The following THSD7B variants were observed in gnomAD, a reference collection of about 807,000 sequenced individuals.
THSD7B encodes the protein thrombospondin type 1 domain containing 7B, also known as thrombospondin type-1 domain-containing protein 7B.
A neutral mutation model predicts 213.6 loss-of-function variants in THSD7B; 138 were observed. The observed-to-expected ratio is 0.65, with a 90% CI of 0.56 to 0.74. The LOEUF (loss-of-function observed/expected upper bound fraction) is 0.74. THSD7B is among the 30% of genes least tolerant of loss of function. THSD7B has a pLI of 0.00. For missense variants in THSD7B, 1,931 were observed against 1,991.5 expected (o/e 0.97, Z 0.58); for synonymous variants, 742 against 687.0 (o/e 1.08, Z -1.25).
intron 12 of THSD7B, among the ~76,000 whole-genome samples, chr2:137,372,400 A>C (rs1244458614): frequency 7.5e-6 from 1 of 134,184 alleles, no homozygotes; most frequent in Non-Finnish European, 1.5e-5. Context: ...ACCATGGCCC[A>C]TGACACAGCC....
intron 1 of THSD7B, among the ~76,000 whole-genome samples, chr2:136,845,487 A>G (rs1682993720): frequency 6.6e-6 from 1 of 152,238 alleles, no homozygotes; most frequent in Admixed American, 6.5e-5. Flanking sequence ...ATTTTAAATA[A>G]GCTTTCTAAC....
intron 10 of THSD7B, among the ~76,000 whole-genome samples, chr2:137,269,389 G>A (rs1682681531): frequency 6.6e-6 from 1 of 152,318 alleles, no homozygotes; most frequent in East Asian, 1.9e-4. Flanking sequence ...TATGTGTATG[G>A]TGTGTGCACG....
intron 1 of THSD7B, among the ~76,000 whole-genome samples, chr2:136,778,798 G>A (rs1321618735): frequency 2.0e-5 from 3 of 152,162 alleles, no homozygotes; most frequent in African/African-American, 7.2e-5. Context: ...CTTTTTAAAA[G>A]AGAAGAGATG....
intron 10 of THSD7B, among the ~76,000 whole-genome samples, chr2:137,251,337 C>T (rs1181462394): frequency 6.6e-6 from 1 of 152,156 alleles, no homozygotes; most frequent in Non-Finnish European, 1.5e-5. Context: ...AAAATTCTAT[C>T]ATTTTTATTT....
chr2:137,399,776 C>T (rs1404105917), intron 12 of THSD7B, among the ~76,000 whole-genome samples: 1 of 151,986 alleles, frequency 6.6e-6, no homozygotes, highest in East Asian at 1.9e-4. Context: ...CAGTTATTTC[C>T]TTAAATAAGG....
intron 20 of THSD7B, among the ~76,000 whole-genome samples, chr2:137,638,416 C>T (rs1170263625): frequency 6.6e-6 from 1 of 152,122 alleles, no homozygotes; most frequent in Non-Finnish European, 1.5e-5. Flanking sequence ...CTTTCACCTC[C>T]CACCATGATT....
chr2:137,672,076 A>G (rs1683589661), intron 27 of THSD7B, among the ~76,000 whole-genome samples: 1 of 152,176 alleles, frequency 6.6e-6, no homozygotes, highest in South Asian at 2.1e-4. Flanking sequence ...ATTGTTTTAA[A>G]GCATGAATTT....
chr2:137,151,214 T>C (rs192427039), intron 5 of THSD7B, among the ~76,000 whole-genome samples: 37 of 152,362 alleles, frequency 2.4e-4, no homozygotes, highest in Admixed American at 1.5e-3. Flanking sequence ...TTAACTCTTT[T>C]GTTATTACAC....
chr2:137,303,912 A>G (rs1683676812), intron 12 of THSD7B, among the ~76,000 whole-genome samples: 1 of 150,974 alleles, frequency 6.6e-6, no homozygotes, highest in Non-Finnish European at 1.5e-5. Context: ...GCACCCATCA[A>G]CCCATCATCT....
At chr2:136,856,003 C>T (rs1401160466) in intron 1 of THSD7B, among the ~76,000 whole-genome samples, 1 of 152,038 alleles carries the variant, frequency 6.6e-6, no homozygotes, top group Non-Finnish European at 1.5e-5. Context: ...TTTCCCTATC[C>T]ACCACCTACG....
intron 1 of THSD7B, among the ~76,000 whole-genome samples, chr2:136,872,383 G>T (rs894407438): frequency 6.6e-5 from 8 of 121,148 alleles, no homozygotes; most frequent in Non-Finnish European, 1.2e-4. Flanking sequence ...TACTTTTTTC[G>T]GGGGGGTGGG....
chr2:137,075,539 C>T (rs1237296685), intron 3 of THSD7B, among the ~76,000 whole-genome samples: 1 of 152,116 alleles, frequency 6.6e-6, no homozygotes, highest in African/African-American at 2.4e-5. Context: ...GAATTTCCTC[C>T]TGTAGCTCGG....
intron 10 of THSD7B, among the ~76,000 whole-genome samples, chr2:137,247,660 G>A (rs1389154209): frequency 3.3e-5 from 5 of 152,054 alleles, no homozygotes; most frequent in African/African-American, 1.2e-4. Context: ...GTAACAGGAA[G>A]GCCAACAGCA....
At chr2:137,317,360 A>G (rs190174414) in intron 12 of THSD7B, among the ~76,000 whole-genome samples, 3 of 152,310 alleles carry the variant, frequency 2.0e-5, no homozygotes, top group Admixed American at 2.0e-4. Flanking sequence ...CTTTATAATG[A>G]TATGGCGTGT....
intron 25 of THSD7B, 108 bp downstream of exon 25, chr2:137,659,854 C>CATGAT: frequency 9.9e-7 from 1 of 1,005,448 alleles, no homozygotes. Context: ...TCCACGTGCC[C>CATGAT]ATGATACCAT....
At chr2:137,215,793 T>G (rs1297498548) in intron 7 of THSD7B, among the ~76,000 whole-genome samples, 1 of 152,194 alleles carries the variant, frequency 6.6e-6, no homozygotes. Flanking sequence ...TTTTTCCAAA[T>G]TTTGAATATT....
chr2:137,363,139 G>A (rs1685309158), intron 12 of THSD7B, among the ~76,000 whole-genome samples: 1 of 152,110 alleles, frequency 6.6e-6, no homozygotes, highest in Admixed American at 6.6e-5. Flanking sequence ...AATGACTACT[G>A]GGTAAATAAC....
Position 137,169,918 on chromosome 2 carries a change from G to T in THSD7B, c.1526-823G>T, listed in dbSNP as rs546526476. ...AAATGGAAGGATCTGTTAACAGAGG[G>T]TTCATGATCTCTAAGGCCAAGAGTC... is the stretch of plus-strand genomic sequence containing the variant. On this transcript the variant is annotated intron_variant, in intron 6 of 27. Transcript: ENST00000409968. Among the ~76,000 whole-genome samples, 27 of 152,268 alleles carry T rather than the reference G, an allele frequency of 1.8e-4. No homozygotes were observed. The South Asian group carries it at 5.2e-3, about 29-fold the overall frequency.
chr2:137,021,784 C>CT (rs757313624), intron 2 of THSD7B, among the ~76,000 whole-genome samples: 130 of 152,142 alleles, frequency 8.5e-4, no homozygotes, highest in Non-Finnish European at 1.3e-3. Context: ...CTAATCCGTT[C>CT]TTTATTTCTA....
Sources: allele counts gnomAD v4.1 joint callset (sites outside exome capture counted in the v4.1 genomes callset), GRCh38; gene constraint gnomAD v4.1.1; transcripts MANE v1.5; gene names NCBI Gene and HGNC (gene_info 2026-07-23, HGNC 2026-07-21).